AEBP1: variants seen among roughly 807,000 people sequenced by gnomAD.
AEBP1 encodes adipocyte enhancer-binding protein 1.
In AEBP1, 69 loss-of-function variants were observed where a neutral mutation model predicts 116.5. That is an observed-to-expected ratio of 0.59 (90% confidence interval 0.49 to 0.72). The LOEUF (loss-of-function observed/expected upper bound fraction) is 0.72. Among genes scored for constraint, AEBP1 ranks in the 30% least tolerant of loss-of-function variants. The probability of loss-of-function intolerance (pLI) is 0.00; values close to 1 mark genes in which losing one functional copy is unlikely to be tolerated. For synonymous variants in AEBP1, 627 were observed against 627.3 expected (o/e 1.00, Z 0.01); for missense variants, 1,444 against 1,557.5 (o/e 0.93, Z 1.23).
chr7:44,109,967 G>A (rs1335835724), intron 9 of AEBP1, 48 bp from the exon 10 acceptor site: 2 of 1,544,576 alleles, frequency 1.3e-6, no homozygotes, highest in Admixed American at 1.7e-5. Context: ...GTTTGGTGGA[G>A]GGAAGGATGG....
chr7:44,111,613 C>T lies in AEBP1; in HGVS notation c.1823C>T (p.Pro608Leu). Reference protein sequence around the residue: ...KIYAMEISDNPGEHELGEPEF... With the variant: ...KIYAMEISDNLGEHELGEPEF... ...TATGCCATGGAGATCTCAGACAACC[C>T]TGGGGAGCATGAACTGGGTGAGGGT... Residue 608 changes from proline (P) to leucine (L), a missense_variant, in exon 15 of 21, where the codon CCT (proline) becomes CTT (leucine). Transcript: ENST00000223357. This position sits in a 1 kb window ranked among gnomAD's most constrained non-coding sequence, Gnocchi z 4.7. 1 of 1,613,178 alleles carries T rather than the reference C, an allele frequency of 6.2e-7. No individual in the cohort carries two copies. Among genetic ancestry groups the T allele is most frequent in the South Asian group, 1.1e-5 (1 of 91,054 alleles).
Position 44,112,498 on chromosome 7 carries a change from C to T in AEBP1, c.2218-60C>T. On this transcript the variant is annotated intron_variant, in intron 17 of 20. Coordinates refer to ENST00000223357, the MANE Select transcript of AEBP1 (RefSeq NM_001129.5). The surrounding 1 kb of genome is among the most constrained non-coding windows in gnomAD (Gnocchi z 6.6). Reference sequence around the variant, plus strand: ...TGAAGCTTCATGGAGGGTGATCGGGCTAGGTTGGGGATAGTGGCCGGAGCT... The same window carrying T: ...TGAAGCTTCATGGAGGGTGATCGGGTTAGGTTGGGGATAGTGGCCGGAGCT... 7.2e-7 allele frequency: 1 copy of T among 1,396,752 alleles called. No individual in the cohort carries two copies. The highest frequency in any genetic ancestry group is 9.4e-7 in the Non-Finnish European group (1 of 1,058,674). 86.5% of individuals were successfully genotyped at this position (1,396,752 alleles called of 1,614,324 possible). A position where few individuals can be genotyped will look rare whatever the true frequency, so the allele number is the denominator to read the frequency against.
rs2096226306 is a variant in AEBP1 at position 44,109,290 on chromosome 7, C to A, written c.1099C>A (p.Pro367Thr). ...AVEKGKDHKE[P>T]RKGEELEEEW... ...TGTCCTCCCTTCATTGTCCCTAGAGCCCCGAAAGGGCGAGGAGTTGGAGGA... is the reference window on the plus strand; with the variant it reads ...TGTCCTCCCTTCATTGTCCCTAGAGACCCGAAAGGGCGAGGAGTTGGAGGA... Residue 367 changes from proline (P) to threonine (T), a missense_variant and splice_region_variant, in exon 9 of 21, where the codon CCC becomes ACC. Pro to Thr is a conservative substitution (Grantham distance 38, BLOSUM62 -1). Coordinates refer to ENST00000223357, the MANE Select transcript of AEBP1 (RefSeq NM_001129.5). The A allele has an allele frequency of 6.2e-7, 1 of 1,609,788 alleles. No individual in the cohort carries two copies. Among genetic ancestry groups the A allele is most frequent in the Non-Finnish European group, 8.5e-7 (1 of 1,178,086 alleles).
chr7:44,105,580 A>G (rs2096222164), intron 1 of AEBP1, among the ~76,000 whole-genome samples: 1 of 152,034 alleles, frequency 6.6e-6, no homozygotes, highest in South Asian at 2.1e-4. Context: ...GGCACCATCC[A>G]ACATTCCTGA....
rs1331557126 is a variant in AEBP1, at chr7:44,108,724, C to T, written c.941-175C>T. 6.6e-6 allele frequency among the ~76,000 whole-genome samples: 1 copy of T among 152,176 alleles called. No individual in the cohort carries two copies. The highest frequency in any genetic ancestry group is 1.5e-5 in the Non-Finnish European group (1 of 68,028). ...CTTCAGCAGGGTCTTGCTCAGCTGC[C>T]CCTGAGCTCGGGCTGCTCCTGACTC... On this transcript the variant is annotated intron_variant, in intron 6 of 20. Transcript: ENST00000223357. The surrounding 1 kb of genome is among the most constrained non-coding windows in gnomAD (Gnocchi z 5.0).
chr7:44,113,573 C>A lies in AEBP1; in HGVS notation c.2810-21C>A, dbSNP rs1486927772. The A allele has an allele frequency of 2.5e-6, 4 of 1,594,574 alleles. No homozygotes were observed. Among genetic ancestry groups the A allele is most frequent in the African/African-American group, 1.3e-5 (1 of 74,718 alleles). The stretch of plus-strand genomic sequence containing the variant: ...CCTGGGAGGGGCGCTCTGGGGCAGC[C>A]GGATCGTTCTCCCTCCGCAGCCAGT... On this transcript the variant is annotated intron_variant, in intron 20 of 20. Transcript: ENST00000223357. The surrounding 1 kb of genome is among the most constrained non-coding windows in gnomAD (Gnocchi z 5.3).
Position 44,111,907 on chromosome 7 carries a change from C to G in AEBP1, c.1894C>G (p.Arg632Gly), listed in dbSNP as rs748490572. The change falls in exon 16 of 21, where the codon CGA becomes GGA. Residue 632 changes from arginine (R) to glycine (G), a missense_variant. By Grantham distance (125) the Arg-to-Gly change is moderately radical. Transcript: ENST00000223357. This position sits in a 1 kb window ranked among gnomAD's most constrained non-coding sequence, Gnocchi z 4.7. Reference sequence around the variant, plus strand: ...GATCCATGGCAACGAGGTGCTGGGCCGAGAGCTGTTGCTGCTGCTCATGCA... The same window carrying G: ...GATCCATGGCAACGAGGTGCTGGGCGGAGAGCTGTTGCTGCTGCTCATGCA... Reference protein sequence around the residue: ...AGIHGNEVLGRELLLLLMQYL... With the variant: ...AGIHGNEVLGGELLLLLMQYL... 3 of 1,613,740 alleles carry G rather than the reference C, an allele frequency of 1.9e-6. No homozygotes were observed. The highest frequency in any genetic ancestry group is 2.5e-6 in the Non-Finnish European group (3 of 1,180,004).
rs547345786 is a variant in AEBP1 at position 44,111,221 on chromosome 7, C to G, written c.1698C>G (p.Ser566Arg). 1 of 1,515,934 alleles carries G rather than the reference C, an allele frequency of 6.6e-7. No individual in the cohort carries two copies. Among genetic ancestry groups the G allele is most frequent in the African/African-American group, 1.4e-5 (1 of 71,928 alleles). The allele number at this position is 1,515,934 out of a possible 1,614,324, so 93.9% of individuals were successfully genotyped here. Residue 566 changes from serine to arginine, a missense_variant, in exon 14 of 21, where the codon AGC becomes AGG. Coordinates refer to ENST00000223357, the MANE Select transcript of AEBP1 (RefSeq NM_001129.5). This position sits in a 1 kb window ranked among gnomAD's most constrained non-coding sequence, Gnocchi z 4.7. ...ATDDLDFRHH[S>R]YKDMRQLMKV... ...ATGACCTGGATTTCCGGCACCACAG[C>G]TACAAGGACATGCGCCAGGTTGGGA...
Position 44,112,102 on chromosome 7 carries a change from G to A in AEBP1, c.2038-40G>A. 6.2e-7 allele frequency: 1 copy of A among 1,601,564 alleles called. No individual in the cohort carries two copies. The highest frequency in any genetic ancestry group is 8.5e-7 in the Non-Finnish European group (1 of 1,170,646). The stretch of plus-strand genomic sequence containing the variant: ...GGTCCAGGCAGCTGGGGGTTGTGGG[G>A]GTGTGGGTAGCCGATGCCTACCCTG... On this transcript the variant is annotated intron_variant, in intron 16 of 20. Transcript: ENST00000223357. This position sits in a 1 kb window ranked among gnomAD's most constrained non-coding sequence, Gnocchi z 6.6.
rs752781581 is a variant in AEBP1 at position 44,114,175 on chromosome 7, GAGGAGA to G, written c.3393_3398del (p.Lys1133_Glu1134del). On this transcript the variant is annotated inframe_deletion, in exon 21 of 21. Coordinates refer to ENST00000223357, the MANE Select transcript of AEBP1 (RefSeq NM_001129.5). ...ACCCGAGTTTGAGGAAGAGGAGGAG[GAGGAGA>G]AAGAGGAGGAGATAGCCACTGGCCA... The G allele has an allele frequency of 1.9e-5, 30 of 1,613,444 alleles. No homozygotes were observed. Among genetic ancestry groups the G allele is most frequent in the Non-Finnish European group, 2.5e-5 (29 of 1,179,696 alleles).
rs745656675 is a variant in AEBP1 at position 44,107,944 on chromosome 7, G to A, written c.862+13G>A. ...GAGGAGAGGATTGGTAGGATGGGGG[G>A]CAGGAGAGGAGGTGCCATGGCCACG... On this transcript the variant is annotated intron_variant, in intron 5 of 20. Transcript: ENST00000223357. This position sits in a 1 kb window ranked among gnomAD's most constrained non-coding sequence, Gnocchi z 4.3. 38 of 1,563,730 alleles carry A rather than the reference G, an allele frequency of 2.4e-5. No individual in the cohort carries two copies. The highest frequency in any genetic ancestry group is 3.2e-5 in the Non-Finnish European group (37 of 1,159,966).
rs1284282874 is a variant in AEBP1, at chr7:44,111,424, G to C, written c.1717-83G>C. On this transcript the variant is annotated intron_variant, in intron 14 of 20. Transcript: ENST00000223357. This position sits in a 1 kb window ranked among gnomAD's most constrained non-coding sequence, Gnocchi z 4.7. ...GGGGTCATGCCCGTCCCTCGCCATA[G>C]AGCAGGCCCTGGAAGTGGAAGGGGC... 5.3e-6 allele frequency: 8 copies of C among 1,497,378 alleles called. No homozygotes were observed. Among genetic ancestry groups the C allele is most frequent in the South Asian group, 1.3e-5 (1 of 74,164 alleles). 92.8% of individuals were successfully genotyped at this position (1,497,378 alleles called of 1,614,324 possible).
Position 44,114,189 on chromosome 7 carries a change from GGA to G in AEBP1, c.3408_3409del (p.Glu1136AspfsTer63). ...AAGAGGAGGAGGAGGAGAAAGAGGA[GGA>G]GATAGCCACTGGCCAGGCATTCCCC... Reference protein sequence around the residue: ...EEEEEEEKEEEIATGQAFPFT... With the variant: ...EEEEEEEKEEXIATGQAFPFT... On this transcript the variant is annotated frameshift_variant, in exon 21 of 21. Coordinates refer to ENST00000223357, the MANE Select transcript of AEBP1 (RefSeq NM_001129.5). LOFTEE classifies it high-confidence loss of function. 2 of 1,614,108 alleles carry G rather than the reference GGA, an allele frequency of 1.2e-6. No individual in the cohort carries two copies. Among genetic ancestry groups the G allele is most frequent in the Non-Finnish European group, 1.7e-6 (2 of 1,180,014 alleles).
Position 44,113,339 on chromosome 7 carries a change from G to T in AEBP1, c.2797G>T (p.Gly933Cys). The T allele has an allele frequency of 1.2e-6, 2 of 1,612,482 alleles. No homozygotes were observed. Among genetic ancestry groups the T allele is most frequent in the African/African-American group, 1.3e-5 (1 of 74,918 alleles). ...ATISVSGINH[G>C]VKTASGGDYW... is the part of the protein sequence containing the mutation. The stretch of plus-strand genomic sequence containing the variant: ...CATCTCTGTGAGTGGCATTAATCAC[G>T]GCGTGAAGACAGGTACCTAGTGTGC... The change falls in exon 20 of 21, where the codon GGC becomes TGC. Residue 933 changes from glycine (G) to cysteine (C), a missense_variant. By Grantham distance (159) the Gly-to-Cys change is radical. Transcript: ENST00000223357. The surrounding 1 kb of genome is among the most constrained non-coding windows in gnomAD (Gnocchi z 5.3).
intron 9 of AEBP1, chr7:44,109,731 C>T (rs1346908452): frequency 8.8e-6 from 5 of 569,880 alleles, no homozygotes; most frequent in South Asian, 4.1e-5. Flanking sequence ...TGTGATTTCA[C>T]GTGTGTCCCC....
chr7:44,106,596 G>C lies in AEBP1; in HGVS notation c.304G>C (p.Gly102Arg), dbSNP rs750627971. 2.5e-6 allele frequency: 4 copies of C among 1,609,852 alleles called. No individual in the cohort carries two copies. The highest frequency in any genetic ancestry group is 3.4e-6 in the Non-Finnish European group (4 of 1,179,034). The stretch of plus-strand genomic sequence containing the variant: ...AGGGAAGAAAGGCAAGAAAGACAAA[G>C]GCCCCAAGGTGCCCAAGGAGTCCTT... Reference protein sequence around the residue: ...DKGKKGKKDKGPKVPKESLEG... With the variant: ...DKGKKGKKDKRPKVPKESLEG... Residue 102 changes from glycine to arginine, a missense_variant, in exon 2 of 21, where the codon GGC becomes CGC. By Grantham distance (125) the Gly-to-Arg change is moderately radical. Coordinates refer to ENST00000223357, the MANE Select transcript of AEBP1 (RefSeq NM_001129.5).
rs1288141336 is a variant in AEBP1, at chr7:44,113,521, G to A, written c.2810-73G>A. 11 of 1,456,692 alleles carry A rather than the reference G, an allele frequency of 7.6e-6. No individual in the cohort carries two copies. Among genetic ancestry groups the A allele is most frequent in the African/African-American group, 1.4e-5 (1 of 71,046 alleles). The allele number at this position is 1,456,692 out of a possible 1,614,324, so 90.2% of individuals were successfully genotyped here. A position where few individuals can be genotyped will look rare whatever the true frequency, so the allele number is the denominator to read the frequency against. Reference sequence around the variant, plus strand: ...ACTCAGAGGGGGAGGGCGGGGCTGGGGGCAGGACTGAGTGGGAGGGTGGGG... The same window carrying A: ...ACTCAGAGGGGGAGGGCGGGGCTGGAGGCAGGACTGAGTGGGAGGGTGGGG... On this transcript the variant is annotated intron_variant, in intron 20 of 20. Coordinates refer to ENST00000223357, the MANE Select transcript of AEBP1 (RefSeq NM_001129.5). This position sits in a 1 kb window ranked among gnomAD's most constrained non-coding sequence, Gnocchi z 5.3.
chr7:44,109,943 C>T, intron 9 of AEBP1, 72 bp from the exon 10 acceptor site: 1 of 1,395,426 alleles, frequency 7.2e-7, no homozygotes. Flanking sequence ...GGGCTCTGGG[C>T]TCCTTGGTTC....
Position 44,110,194 on chromosome 7 carries a change from G to T in AEBP1, c.1261-13G>T. 1 of 1,613,500 alleles carries T rather than the reference G, an allele frequency of 6.2e-7. No homozygotes were observed. Among genetic ancestry groups the T allele is most frequent in the Non-Finnish European group, 8.5e-7 (1 of 1,179,988 alleles). ...CCTCCGCCCATGCTCAGCCTCCCCT[G>T]CCCCCTGGACAGACCGGTGCCACTG... On this transcript the variant is annotated splice_polypyrimidine_tract_variant and intron_variant, in intron 10 of 20. Coordinates refer to ENST00000223357, the MANE Select transcript of AEBP1 (RefSeq NM_001129.5).
Sources: gnomAD v4.1 joint callset for allele counts (sites outside exome capture counted in the v4.1 genomes callset) on GRCh38, gnomAD v4.1.1 for gene constraint, Gnocchi (gnomAD v3.1) non-coding constraint, MANE v1.5 for transcripts, NCBI Gene and HGNC (gene_info 2026-07-23, HGNC 2026-07-21) for gene names.